Variants in TMEM215 observed in about 807,000 individuals in gnomAD.
The protein encoded by TMEM215 is transmembrane protein 215.
A neutral mutation model predicts 14.7 loss-of-function variants in TMEM215; 12 were observed. That is an observed-to-expected ratio of 0.82 (90% CI 0.52 to 1.33). TMEM215 has a LOEUF of 1.33. TMEM215 is among the 40% of genes most tolerant of loss of function. The probability of loss-of-function intolerance (pLI) is 0.00; values close to 1 mark genes in which losing one functional copy is unlikely to be tolerated. For synonymous variants in TMEM215, 122 were observed against 124.8 expected (o/e 0.98, Z 0.15); for missense variants, 276 against 296.2 (o/e 0.93, Z 0.50).
Position 32,784,198 on chromosome 9 carries a change from C to T in TMEM215, c.15C>T (p.Asp5=), listed in dbSNP as rs1824474432. The change falls in exon 2 of 2, where the codon GAC becomes GAT. Residue 5 remains aspartate (D), a synonymous_variant. Transcript: ENST00000342743. ...TGGAGTGAAACATGCGGCCTGATGACATTAACCCGAGGACTGGGCTGGTGG... is the reference window on the plus strand; with the variant it reads ...TGGAGTGAAACATGCGGCCTGATGATATTAACCCGAGGACTGGGCTGGTGG... MRPD[D]INPRTGLVVA... 1.9e-6 allele frequency: 3 copies of T among 1,612,992 alleles called. No individual in the cohort carries two copies. The highest frequency in any genetic ancestry group is 2.5e-6 in the Non-Finnish European group (3 of 1,179,460).
chr9:32,784,217 C>T lies in TMEM215; in HGVS notation c.34C>T (p.Leu12=). ...RPDDINPRTG[L]VVALVSVFLV... is the part of the protein sequence containing the mutation. ...TGATGACATTAACCCGAGGACTGGG[C>T]TGGTGGTGGCCCTGGTCAGTGTCTT... The change falls in exon 2 of 2, where the codon CTG becomes TTG. Residue 12 remains leucine, a synonymous_variant. Coordinates refer to ENST00000342743, the MANE Select transcript of TMEM215 (RefSeq NM_212558.3). 2.5e-6 allele frequency: 4 copies of T among 1,613,986 alleles called. No homozygotes were observed. The highest frequency in any genetic ancestry group is 1.1e-5 in the South Asian group (1 of 91,068).
rs1283326641 is a variant in TMEM215, at chr9:32,784,113, T to G, written c.-58-13T>G. The stretch of plus-strand genomic sequence containing the variant: ...GATTTTTTTTTAACGCACTGTGGTT[T>G]CATCTCTGACAGAATAGAGGAACGC... On this transcript the variant is annotated splice_polypyrimidine_tract_variant and intron_variant, in intron 1 of 1. Coordinates refer to ENST00000342743, the MANE Select transcript of TMEM215 (RefSeq NM_212558.3). The G allele has an allele frequency of 6.9e-7, 1 of 1,455,250 alleles. No homozygotes were observed. The highest frequency in any genetic ancestry group is 9.3e-7 in the Non-Finnish European group (1 of 1,072,790). 90.1% of individuals were successfully genotyped at this position (1,455,250 alleles called of 1,614,324 possible).
Position 32,786,056 on chromosome 9 carries a change from T to G in TMEM215, c.*1165T>G, listed in dbSNP as rs1204372019. The G allele has an allele frequency of 6.0e-6, 1 of 166,994 alleles. No homozygotes were observed. The highest frequency in any genetic ancestry group is 2.4e-5 in the African/African-American group (1 of 41,458). 10.3% of individuals were successfully genotyped at this position (166,994 alleles called of 1,614,324 possible). ...TCTTTATTTCATACATTTTTGCTGC[T>G]GAGGAAAACAACAAATCACAATGAT... is the stretch of plus-strand genomic sequence containing the variant. On this transcript the variant is annotated 3_prime_UTR_variant, in exon 2 of 2. Coordinates refer to ENST00000342743, the MANE Select transcript of TMEM215 (RefSeq NM_212558.3).
Position 32,784,975 on chromosome 9 carries a change from C to T in TMEM215, c.*84C>T. 3.5e-6 allele frequency: 4 copies of T among 1,147,172 alleles called. No individual in the cohort carries two copies. Among genetic ancestry groups the T allele is most frequent in the Non-Finnish European group, 5.1e-6 (4 of 788,962 alleles). The allele number at this position is 1,147,172 out of a possible 1,614,324, so 71.1% of individuals were successfully genotyped here. ...AAGCAAATTGCTCTGCTTGGAGAGCCTTCACACTGTTAGAAATTGACCTGG... is the reference window on the plus strand; with the variant it reads ...AAGCAAATTGCTCTGCTTGGAGAGCTTTCACACTGTTAGAAATTGACCTGG... On this transcript the variant is annotated 3_prime_UTR_variant, in exon 2 of 2. Transcript: ENST00000342743.
chr9:32,784,827 A>G lies in TMEM215; in HGVS notation c.644A>G (p.Tyr215Cys). 1 of 1,613,462 alleles carries G rather than the reference A, an allele frequency of 6.2e-7. No individual in the cohort carries two copies. Among genetic ancestry groups the G allele is most frequent in the Non-Finnish European group, 8.5e-7 (1 of 1,180,036 alleles). ...TGCTCCTACAAGCAGAACAGCCCGT[A>G]TGACAGATACTGTTGTTATATCAAT... ...IVCSYKQNSPYDRYCCYINQI... is the reference protein window; with the variant it reads ...IVCSYKQNSPCDRYCCYINQI... Residue 215 changes from tyrosine (Y) to cysteine (C), a missense_variant, in exon 2 of 2, where the codon TAT becomes TGT. Transcript: ENST00000342743.
At position 32,788,394 on chromosome 9, in the gene TMEM215, A is replaced by G. The variant is rs1302154842; in HGVS notation, c.*3503A>G. 6.6e-6 allele frequency among the ~76,000 whole-genome samples: 1 copy of G among 152,150 alleles called. No individual in the cohort carries two copies. Among genetic ancestry groups the G allele is most frequent in the Non-Finnish European group, 1.5e-5 (1 of 68,006 alleles). On this transcript the variant is annotated 3_prime_UTR_variant, in exon 2 of 2. Coordinates refer to ENST00000342743, the MANE Select transcript of TMEM215 (RefSeq NM_212558.3). ...GCAAATGCAGCATACATATTATAATAGTGTGTTTTTCTTTTCTCTTTGAAT... is the reference window on the plus strand; with the variant it reads ...GCAAATGCAGCATACATATTATAATGGTGTGTTTTTCTTTTCTCTTTGAAT...
At position 32,787,884 on chromosome 9, in the gene TMEM215, C is replaced by T. The variant is rs909636962; in HGVS notation, c.*2993C>T. ...TACTGAATTTCTCTTGCTCTGTATGCCTACTTATTGTGCACATGGGTTGTT... is the reference window on the plus strand; with the variant it reads ...TACTGAATTTCTCTTGCTCTGTATGTCTACTTATTGTGCACATGGGTTGTT... On this transcript the variant is annotated 3_prime_UTR_variant, in exon 2 of 2. Coordinates refer to ENST00000342743, the MANE Select transcript of TMEM215 (RefSeq NM_212558.3). 3.3e-5 allele frequency among the ~76,000 whole-genome samples: 5 copies of T among 152,032 alleles called. No homozygotes were observed. Among genetic ancestry groups the T allele is most frequent in the Non-Finnish European group, 7.4e-5 (5 of 67,942 alleles).
At position 32,786,046 on chromosome 9, in the gene TMEM215, T is replaced by A. The variant is rs1011320535; in HGVS notation, c.*1155T>A. The stretch of plus-strand genomic sequence containing the variant: ...GATAAAAGTCTCTTTATTTCATACA[T>A]TTTTGCTGCTGAGGAAAACAACAAA... On this transcript the variant is annotated 3_prime_UTR_variant, in exon 2 of 2. Coordinates refer to ENST00000342743, the MANE Select transcript of TMEM215 (RefSeq NM_212558.3). 1 of 167,108 alleles carries A rather than the reference T, an allele frequency of 6.0e-6. No homozygotes were observed. The highest frequency in any genetic ancestry group is 3.4e-3 in the Middle Eastern group (1 of 296). The allele number at this position is 167,108 out of a possible 1,614,324, so 10.4% of individuals were successfully genotyped here.
chr9:32,783,896 G>A (rs556466526), intron 1 of TMEM215, 91 bp downstream of exon 1: 6 of 391,556 alleles, frequency 1.5e-5, no homozygotes, highest in East Asian at 1.4e-4. Flanking sequence ...CACAAGAAAG[G>A]GAGGGAGGGA....
rs1171111119 is a variant in TMEM215 at position 32,784,536 on chromosome 9, G to C, written c.353G>C (p.Arg118Thr). The part of the protein sequence containing the change: ...SDELAKKAGL[R>T]GKPPPQSQGE... ...GAGCTGGCTAAGAAGGCGGGCCTCA[G>C]GGGGAAGCCTCCCCCACAAAGCCAG... The change falls in exon 2 of 2, where the codon AGG (arginine) becomes ACG (threonine). Residue 118 changes from arginine (R) to threonine (T), a missense_variant. Transcript: ENST00000342743. The C allele has an allele frequency of 2.5e-6, 4 of 1,613,830 alleles. No individual in the cohort carries two copies. The East Asian group carries it at 8.9e-5, about 36-fold the overall frequency.
In TMEM215 at chr9:32,788,980, A is replaced by T. The variant is rs1824537029; in HGVS notation, c.*4089A>T. Among the ~76,000 whole-genome samples the T allele has an allele frequency of 6.6e-6, 1 of 152,236 alleles. No homozygotes were observed. Among genetic ancestry groups the T allele is most frequent in the Non-Finnish European group, 1.5e-5 (1 of 68,032 alleles). On this transcript the variant is annotated 3_prime_UTR_variant, in exon 2 of 2. Coordinates refer to ENST00000342743, the MANE Select transcript of TMEM215 (RefSeq NM_212558.3). ...TAATATGCCAAAAGCATTTTCTTAA[A>T]GTACCTCATCATATATTTTATAATA... is the stretch of plus-strand genomic sequence containing the variant.
rs1824494617 is a variant in TMEM215 at position 32,785,237 on chromosome 9, A to T, written c.*346A>T. The T allele has an allele frequency of 4.5e-6, 1 of 224,038 alleles. No homozygotes were observed. The highest frequency in any genetic ancestry group is 9.6e-6 in the Non-Finnish European group (1 of 104,188). The allele number at this position is 224,038 out of a possible 1,614,324, so 13.9% of individuals were successfully genotyped here. On this transcript the variant is annotated 3_prime_UTR_variant, in exon 2 of 2. Transcript: ENST00000342743. ...AAGATAAATCTAGAGTGGGCTGCAG[A>T]TGTGAGGCATCAAATGATGCATGAG...
Position 32,784,486 on chromosome 9 carries a change from A to C in TMEM215, c.303A>C (p.Leu101=). 1 of 1,614,102 alleles carries C rather than the reference A, an allele frequency of 6.2e-7. No individual in the cohort carries two copies. The highest frequency in any genetic ancestry group is 8.5e-7 in the Non-Finnish European group (1 of 1,180,024). Reference sequence around the variant, plus strand: ...AGCTGCTGAGGACCCCTTCAGACCTAGAATCCGGCAAGGGGAGCTCAGATG... The same window carrying C: ...AGCTGCTGAGGACCCCTTCAGACCTCGAATCCGGCAAGGGGAGCTCAGATG... ...VVELLRTPSD[L]ESGKGSSDEL... Residue 101 remains leucine, a synonymous_variant, in exon 2 of 2, where the codon CTA becomes CTC. Transcript: ENST00000342743.
rs1266457689 is a variant in TMEM215 at position 32,785,899 on chromosome 9, T to C, written c.*1008T>C. The C allele has an allele frequency of 6.0e-6, 1 of 166,984 alleles. No individual in the cohort carries two copies. Among genetic ancestry groups the C allele is most frequent in the African/African-American group, 2.4e-5 (1 of 41,468 alleles). 10.3% of individuals were successfully genotyped at this position (166,984 alleles called of 1,614,324 possible). A position where few individuals can be genotyped will look rare whatever the true frequency, so the allele number is the denominator to read the frequency against. ...AATGGTTAAACCTTTGGAAGTGTCA[T>C]TATTTGTACATTTGTTCAACTCCTC... On this transcript the variant is annotated 3_prime_UTR_variant, in exon 2 of 2. Transcript: ENST00000342743.
rs894392452 is a variant in TMEM215 at position 32,788,158 on chromosome 9, G to T, written c.*3267G>T. Among the ~76,000 whole-genome samples, 3 of 152,094 alleles carry T rather than the reference G, an allele frequency of 2.0e-5. No individual in the cohort carries two copies. Among genetic ancestry groups the T allele is most frequent in the Admixed American group, 6.5e-5 (1 of 15,272 alleles). On this transcript the variant is annotated 3_prime_UTR_variant, in exon 2 of 2. Transcript: ENST00000342743. Reference sequence around the variant, plus strand: ...GAAAGGAAGATTCATTCTGTTAAATGTTTTTTCTCTTTTGCAATGTCCAAG... The same window carrying T: ...GAAAGGAAGATTCATTCTGTTAAATTTTTTTTCTCTTTTGCAATGTCCAAG...
chr9:32,784,065 T>C, intron 1 of TMEM215, 61 bp from the exon 2 acceptor site: 1 of 895,662 alleles, frequency 1.1e-6, no homozygotes, highest in Middle Eastern at 3.3e-4. Flanking sequence ...AAGACAAGAG[T>C]TGATGGGTGG....
chr9:32,784,864 C>A lies in TMEM215; in HGVS notation c.681C>A (p.Gly227=). 1 of 1,612,732 alleles carries A rather than the reference C, an allele frequency of 6.2e-7. No individual in the cohort carries two copies. Among genetic ancestry groups the A allele is most frequent in the Non-Finnish European group, 8.5e-7 (1 of 1,179,798 alleles). ...RYCCYINQIQ[G]RWDHETIV is the part of the protein sequence containing the mutation. The stretch of plus-strand genomic sequence containing the variant: ...GTTGTTATATCAATCAGATACAAGG[C>A]AGGTGGGACCACGAGACCATCGTCT... Residue 227 remains glycine, a synonymous_variant, in exon 2 of 2, where the codon GGC becomes GGA. Transcript: ENST00000342743.
Position 32,784,976 on chromosome 9 carries a change from T to A in TMEM215, c.*85T>A. On this transcript the variant is annotated 3_prime_UTR_variant, in exon 2 of 2. Transcript: ENST00000342743. ...AGCAAATTGCTCTGCTTGGAGAGCCTTCACACTGTTAGAAATTGACCTGGT... is the reference window on the plus strand; with the variant it reads ...AGCAAATTGCTCTGCTTGGAGAGCCATCACACTGTTAGAAATTGACCTGGT... 8.8e-7 allele frequency: 1 copy of A among 1,136,130 alleles called. No individual in the cohort carries two copies. 70.4% of individuals were successfully genotyped at this position (1,136,130 alleles called of 1,614,324 possible).
chr9:32,788,658 G>T lies in TMEM215; in HGVS notation c.*3767G>T, dbSNP rs996961692. ...ACTATTGAACAGGTATCTCCTTGTGGATGAGAGAGAGGAGGCAGAAATGTG... is the reference window on the plus strand; with the variant it reads ...ACTATTGAACAGGTATCTCCTTGTGTATGAGAGAGAGGAGGCAGAAATGTG... On this transcript the variant is annotated 3_prime_UTR_variant, in exon 2 of 2. Transcript: ENST00000342743. Among the ~76,000 whole-genome samples the T allele has an allele frequency of 6.6e-6, 1 of 152,198 alleles. No individual in the cohort carries two copies. The highest frequency in any genetic ancestry group is 1.5e-5 in the Non-Finnish European group (1 of 68,032).
Sources: allele counts gnomAD v4.1 joint callset (sites outside exome capture counted in the v4.1 genomes callset), GRCh38; gene constraint gnomAD v4.1.1; transcripts MANE v1.5; gene names NCBI Gene and HGNC (gene_info 2026-07-23, HGNC 2026-07-21).